Variants in SLC25A40 observed in about 807,000 individuals in gnomAD.
SLC25A40 encodes mitochondrial glutathione transporter SLC25A40.
In SLC25A40, 41 loss-of-function variants were observed where a neutral mutation model predicts 46.5. The observed-to-expected ratio is 0.88, with a 90% CI of 0.69 to 1.14. The LOEUF (loss-of-function observed/expected upper bound fraction) is 1.14, where lower values mean the gene tolerates loss of function less well. SLC25A40 is among the 50% of genes most tolerant of loss of function. The probability of loss-of-function intolerance (pLI) is 0.00; values close to 1 mark genes in which losing one functional copy is unlikely to be tolerated. For missense variants in SLC25A40, 386 were observed against 393.6 expected, an observed-to-expected ratio of 0.98 and a Z score of 0.16; for synonymous variants, 126 against 127.5, an observed-to-expected ratio of 0.99 and a Z score of 0.08.
chr7:87,855,611 T>C (rs909691404), intron 4 of SLC25A40, among the ~76,000 whole-genome samples: 1 of 152,152 alleles, frequency 6.6e-6, no homozygotes, highest in Admixed American at 6.5e-5. Flanking sequence ...GTATAGGAAA[T>C]TACCTTTTCA....
rs527714784 is a variant in SLC25A40 at position 87,867,055 on chromosome 7, G to A, written c.-93-6415C>T. Among the ~76,000 whole-genome samples, 3 of 152,348 alleles carry A rather than the reference G, an allele frequency of 2.0e-5. No homozygotes were observed. In the East Asian group the frequency reaches 5.8e-4, roughly 29 times the overall value. ...AGACTTGGGGTACCCACTGGGTGGT[G>A]TGCGGCTGGTTTTCCCAACATATGC... On this transcript the variant is annotated intron_variant, in intron 1 of 11. Transcript: ENST00000341119.
At chr7:87,873,711 T>C (rs1401436330) in intron 1 of SLC25A40, among the ~76,000 whole-genome samples, 1 of 152,162 alleles carries the variant, frequency 6.6e-6, no homozygotes, top group East Asian at 1.9e-4. Flanking sequence ...ATTATAGGCT[T>C]GAGCCACCGT....
At chr7:87,847,147 G>A (rs757388986) in intron 7 of SLC25A40, 25 bp from the exon 8 acceptor site, 2 of 1,543,138 alleles carry the variant, frequency 1.3e-6, no homozygotes, top group Admixed American at 2.0e-5. Context: ...TTAAAAAAAA[G>A]AAAACAAAAA....
Position 87,836,208 on chromosome 7 carries a change from T to G in SLC25A40, c.*41A>C. 3.2e-6 allele frequency: 4 copies of G among 1,240,696 alleles called. No individual in the cohort carries two copies. The highest frequency in any genetic ancestry group is 4.6e-6 in the Non-Finnish European group (4 of 872,358). The allele number at this position is 1,240,696 out of a possible 1,614,324, so 76.9% of individuals were successfully genotyped here. On this transcript the variant is annotated 3_prime_UTR_variant, in exon 12 of 12. Transcript: ENST00000341119. ...ACATTCTTGCCTAAGAGTCTCCATC[T>G]TCTTTGGCTATAGTTGTTGTTTCAA... is the stretch of plus-strand genomic sequence containing the variant.
chr7:87,868,164 T>C (rs934002796), intron 1 of SLC25A40, among the ~76,000 whole-genome samples: 22 of 152,098 alleles, frequency 1.4e-4, no homozygotes, highest in African/African-American at 5.3e-4. Flanking sequence ...CCCGAGATGA[T>C]AGGGAAGCTG....
chr7:87,837,062 T>C (rs1163326810), intron 10 of SLC25A40: 1 of 210,906 alleles, frequency 4.7e-6, no homozygotes, highest in African/African-American at 2.3e-5. Flanking sequence ...ACTGAAGGTT[T>C]CTCCTGACTT....
At chr7:87,854,567 C>T (rs986570936) in intron 4 of SLC25A40, among the ~76,000 whole-genome samples, 8 of 152,132 alleles carry the variant, frequency 5.3e-5, no homozygotes, top group African/African-American at 1.9e-4. Flanking sequence ...AATCCCAGCA[C>T]TTTGGGAGGC....
chr7:87,863,080 T>C (rs1362180735), intron 1 of SLC25A40, among the ~76,000 whole-genome samples: 1 of 152,192 alleles, frequency 6.6e-6, no homozygotes, highest in Admixed American at 6.5e-5. Flanking sequence ...CAGTAGTATA[T>C]ATTGCCTCTT....
intron 5 of SLC25A40, among the ~76,000 whole-genome samples, chr7:87,850,956 G>A (rs1227402133): frequency 6.6e-6 from 1 of 152,138 alleles, no homozygotes; most frequent in Non-Finnish European, 1.5e-5. Flanking sequence ...TACTACTGGT[G>A]AGAATACAGA....
At position 87,847,097 on chromosome 7, in the gene SLC25A40, T is replaced by C. The variant is rs774872465; in HGVS notation, c.483A>G (p.Pro161=). ...ARFGAVTVIS[P]LELIRTKMQS... Reference sequence around the variant, plus strand: ...GCATCTTGGTTCTAATCAATTCTAGTGGACTTATCACAGTTACTGCACCAA... The same window carrying C: ...GCATCTTGGTTCTAATCAATTCTAGCGGACTTATCACAGTTACTGCACCAA... Residue 161 remains proline (P), a synonymous_variant, in exon 8 of 12, where the codon CCA becomes CCG. Coordinates refer to ENST00000341119, the MANE Select transcript of SLC25A40 (RefSeq NM_018843.4). 6.8e-6 allele frequency: 11 copies of C among 1,611,504 alleles called. No homozygotes were observed. Among genetic ancestry groups the C allele is most frequent in the Middle Eastern group, 3.3e-4 (2 of 6,046 alleles).
intron 9 of SLC25A40, 185 bp from the exon 10 acceptor site, chr7:87,841,899 C>A: frequency 3.0e-6 from 1 of 335,288 alleles, no homozygotes. Flanking sequence ...TCACTATACT[C>A]AAAAGTAAAA....
chr7:87,835,781 C>T lies in SLC25A40; in HGVS notation c.*468G>A, dbSNP rs189637837. 1 of 152,208 alleles carries T rather than the reference C, an allele frequency of 6.6e-6. No homozygotes were observed. The highest frequency in any genetic ancestry group is 1.9e-4 in the East Asian group (1 of 5,190). 9.4% of individuals were successfully genotyped at this position (152,208 alleles called of 1,614,324 possible). A position where few individuals can be genotyped will look rare whatever the true frequency, so the allele number is the denominator to read the frequency against. On this transcript the variant is annotated 3_prime_UTR_variant, in exon 12 of 12. Transcript: ENST00000341119. ...ACAGGCAATATTTGGTCGATGTAAA[C>T]AATGCTATTTAACGAGTGCTTTATC...
chr7:87,851,147 G>C (rs1415461479), intron 5 of SLC25A40, among the ~76,000 whole-genome samples: 1 of 152,088 alleles, frequency 6.6e-6, no homozygotes, highest in Non-Finnish European at 1.5e-5. Context: ...AATGTCCATA[G>C]AATTAATTAT....
chr7:87,843,789 T>C lies in SLC25A40; in HGVS notation c.706A>G (p.Met236Val). The change falls in exon 9 of 12, where the codon ATG becomes GTG. Residue 236 changes from methionine to valine, a missense_variant. Coordinates refer to ENST00000341119, the MANE Select transcript of SLC25A40 (RefSeq NM_018843.4). ...EKSGLYEPTF[M>V]INFTSGALSG... ...AATGCCCCTGAAGTAAAGTTGATCA[T>C]AAATGTTGGCTCATATAAACCAGAT... 6.2e-7 allele frequency: 1 copy of C among 1,611,452 alleles called. No individual in the cohort carries two copies.
intron 8 of SLC25A40, 140 bp downstream of exon 8, chr7:87,846,809 C>G (rs1015513518): frequency 3.6e-6 from 2 of 554,534 alleles, no homozygotes; most frequent in African/African-American, 1.9e-5. Context: ...TCTGAGAGCC[C>G]AACAATGAAA....
chr7:87,872,375 A>G (rs1163525018), intron 1 of SLC25A40, among the ~76,000 whole-genome samples: 1 of 152,208 alleles, frequency 6.6e-6, no homozygotes, highest in African/African-American at 2.4e-5. Flanking sequence ...AGAAGAAATG[A>G]AAATAAAAAC....
chr7:87,861,617 A>C (rs1016871570), intron 1 of SLC25A40, among the ~76,000 whole-genome samples: 3 of 152,178 alleles, frequency 2.0e-5, no homozygotes, highest in African/African-American at 7.2e-5. Context: ...ACTTATGTAG[A>C]ATCTTCAAGT....
At chr7:87,864,970 C>CTTTTT (rs1838766398) in intron 1 of SLC25A40, among the ~76,000 whole-genome samples, 1 of 145,742 alleles carries the variant, frequency 6.9e-6, no homozygotes, top group Non-Finnish European at 1.5e-5. Context: ...TTTTTCTTTT[C>CTTTTT]TTTTCTTTTC....
At chr7:87,843,166 A>ATTC (rs1335781878) in intron 9 of SLC25A40, among the ~76,000 whole-genome samples, 2 of 152,092 alleles carry the variant, frequency 1.3e-5, no homozygotes, top group African/African-American at 4.8e-5. Context: ...GTGGGTATAA[A>ATTC]AAAAACTGCC....
Sources: gnomAD v4.1 joint callset for allele counts (sites outside exome capture counted in the v4.1 genomes callset) on GRCh38, gnomAD v4.1.1 for gene constraint, MANE v1.5 for transcripts, NCBI Gene and HGNC (gene_info 2026-07-23, HGNC 2026-07-21) for gene names.